The following YAE1 variants were observed in gnomAD, a reference collection of about 807,000 sequenced individuals.
The protein encoded by YAE1 is protein YAE1 homolog.
A neutral mutation model predicts 23.0 loss-of-function variants in YAE1; 22 were observed. The ratio of observed to expected loss-of-function variants is 0.96; its 90% confidence interval spans 0.68 to 1.37. The LOEUF is 1.37. Ranked by LOEUF, YAE1 falls within the 40% of genes most tolerant of loss-of-function variation. YAE1 has a pLI of 0.00. For missense variants in YAE1, 260 were observed against 262.1 expected (o/e 0.99, Z 0.06); for synonymous variants, 101 against 97.0 (o/e 1.04, Z -0.24).
chr7:39,579,422 T>G (rs939263186), intron 2 of YAE1, among the ~76,000 whole-genome samples: 1 of 152,158 alleles, frequency 6.6e-6, no homozygotes, highest in Admixed American at 6.6e-5. Flanking sequence ...TTTCTATTTT[T>G]CTATGAGAGG....
At chr7:39,602,902 C>G (rs1200867929) in intron 2 of YAE1, among the ~76,000 whole-genome samples, 1 of 152,146 alleles carries the variant, frequency 6.6e-6, no homozygotes, top group African/African-American at 2.4e-5. Context: ...GCGTGCGCCA[C>G]CACACCTGGC....
chr7:39,609,576 C>G (rs1791176647), intron 2 of YAE1: 6 of 1,516,980 alleles, frequency 4.0e-6, no homozygotes, highest in Non-Finnish European at 5.3e-6. Flanking sequence ...ACAGTGATAA[C>G]AGAGCCAAAT....
At chr7:39,607,293 G>T (rs113622488) in intron 2 of YAE1, among the ~76,000 whole-genome samples, 11 of 152,334 alleles carry the variant, frequency 7.2e-5, no homozygotes, top group Admixed American at 2.0e-4. Flanking sequence ...GGAAAGGAAT[G>T]AATGTTGGAA....
rs930430498 is a variant in YAE1 at position 39,566,439 on chromosome 7, C to T, written c.21C>T (p.Ala7=). MSWVQA[A]SLIQGPGDKG... ...CGGTGATGTCGTGGGTTCAAGCAGC[C>T]TCCTTGATCCAGGGCCCTGGAGACA... The change falls in exon 1 of 3, where the codon GCC becomes GCT. Residue 7 remains alanine, a synonymous_variant. Transcript: ENST00000223273. 1 of 1,614,100 alleles carries T rather than the reference C, an allele frequency of 6.2e-7. No homozygotes were observed. The highest frequency in any genetic ancestry group is 8.5e-7 in the Non-Finnish European group (1 of 1,180,024).
At chr7:39,601,922 A>G (rs1483029631) in intron 2 of YAE1, among the ~76,000 whole-genome samples, 1 of 152,224 alleles carries the variant, frequency 6.6e-6, no homozygotes, top group South Asian at 2.1e-4. Flanking sequence ...TGAATATTCT[A>G]ACTTCAAGGG....
chr7:39,575,373 A>G (rs1487815791), downstream of YAE1, among the ~76,000 whole-genome samples: 2 of 152,202 alleles, frequency 1.3e-5, no homozygotes, highest in African/African-American at 4.8e-5. Context: ...AGCTGAATGC[A>G]TATACCTGCG....
intron 2 of YAE1, among the ~76,000 whole-genome samples, chr7:39,599,523 T>C (rs1023098804): frequency 6.6e-6 from 1 of 151,966 alleles, no homozygotes; most frequent in Non-Finnish European, 1.5e-5. Flanking sequence ...TATAGGCATG[T>C]GCCACCACGC....
chr7:39,574,026 A>G (rs1790615399), downstream of YAE1, among the ~76,000 whole-genome samples: 1 of 152,212 alleles, frequency 6.6e-6, no homozygotes, highest in South Asian at 2.1e-4. Context: ...AGCAGCCTCT[A>G]AAGTCTTTTT....
chr7:39,612,067 A>G (rs1404039295), downstream of YAE1, among the ~76,000 whole-genome samples: 1 of 152,184 alleles, frequency 6.6e-6, no homozygotes, highest in Non-Finnish European at 1.5e-5. Flanking sequence ...GCTTCACTGC[A>G]AACAAATAAA....
chr7:39,596,227 C>G (rs1790970708), intron 2 of YAE1, among the ~76,000 whole-genome samples: 1 of 152,062 alleles, frequency 6.6e-6, no homozygotes. Flanking sequence ...CGGAGTCTCA[C>G]TCTGTCACGC....
At chr7:39,605,930 G>A (rs1791123906) in intron 2 of YAE1, among the ~76,000 whole-genome samples, 1 of 151,742 alleles carries the variant, frequency 6.6e-6, no homozygotes, top group Non-Finnish European at 1.5e-5. Context: ...CATCATCAGA[G>A]TTCTTTTTTT....
At chr7:39,583,948 G>A (rs1293456647) in intron 2 of YAE1, among the ~76,000 whole-genome samples, 1 of 152,146 alleles carries the variant, frequency 6.6e-6, no homozygotes, top group East Asian at 1.9e-4. Context: ...CTAGACATTA[G>A]CTATTATTAT....
chr7:39,567,465 C>T (rs1562587846), intron 1 of YAE1, among the ~76,000 whole-genome samples: 3 of 149,116 alleles, frequency 2.0e-5, no homozygotes, highest in African/African-American at 7.4e-5. Flanking sequence ...TCTCATCATC[C>T]TTTTTTTTTT....
Position 39,572,582 on chromosome 7 carries a change from G to A in YAE1, c.557G>A (p.Cys186Tyr). ...ATAGATTGTTCATATGTAGAATGTTGTAGAACACAGGAGCATGCACATTCA... is the reference window on the plus strand; with the variant it reads ...ATAGATTGTTCATATGTAGAATGTTATAGAACACAGGAGCATGCACATTCA... Reference protein sequence around the residue: ...SGIDCSYVECCRTQEHAHSEN... With the variant: ...SGIDCSYVECYRTQEHAHSEN... Residue 186 changes from cysteine to tyrosine, a missense_variant, in exon 3 of 3, where the codon TGT (cysteine) becomes TAT (tyrosine). Cys to Tyr is a radical substitution (Grantham distance 194). Transcript: ENST00000223273. 1 of 1,614,132 alleles carries A rather than the reference G, an allele frequency of 6.2e-7. No individual in the cohort carries two copies. The highest frequency in any genetic ancestry group is 8.5e-7 in the Non-Finnish European group (1 of 1,179,972).
chr7:39,597,632 A>C (rs748201481), intron 2 of YAE1, among the ~76,000 whole-genome samples: 3 of 152,240 alleles, frequency 2.0e-5, no homozygotes, highest in Non-Finnish European at 2.9e-5. Context: ...TCACCAAGTC[A>C]ATGTAAAACC....
At chr7:39,605,168 C>T (rs562904746) in intron 2 of YAE1, among the ~76,000 whole-genome samples, 4 of 152,274 alleles carry the variant, frequency 2.6e-5, no homozygotes, top group African/African-American at 9.6e-5. Context: ...GAGATTCTTG[C>T]TTTGGGTGGG....
intron 2 of YAE1, among the ~76,000 whole-genome samples, chr7:39,594,854 C>T (rs1291924950): frequency 2.0e-5 from 3 of 152,158 alleles, no homozygotes; most frequent in African/African-American, 7.2e-5. Context: ...CCTTGGCCTC[C>T]CAAAGTGCTG....
chr7:39,599,914 G>A (rs1405351381), intron 2 of YAE1, among the ~76,000 whole-genome samples: 2 of 152,022 alleles, frequency 1.3e-5, no homozygotes, highest in African/African-American at 4.8e-5. Flanking sequence ...AAGATTAAAT[G>A]AGATAATTTA....
At chr7:39,583,395 A>G (rs1415212970) in intron 2 of YAE1, among the ~76,000 whole-genome samples, 1 of 152,192 alleles carries the variant, frequency 6.6e-6, no homozygotes, top group Non-Finnish European at 1.5e-5. Flanking sequence ...TCTTAGCCCA[A>G]TTGAGTTATT....
Sources: allele counts gnomAD v4.1 joint callset (sites outside exome capture counted in the v4.1 genomes callset), GRCh38; gene constraint gnomAD v4.1.1; transcripts MANE v1.5; gene names NCBI Gene and HGNC (gene_info 2026-07-23, HGNC 2026-07-21).